Variants in IFT80 observed in about 807,000 individuals in gnomAD.
The protein encoded by IFT80 is intraflagellar transport 80, also known as intraflagellar transport protein 80 homolog.
A neutral mutation model predicts 107.9 loss-of-function variants in IFT80; 79 were observed. The ratio of observed to expected loss-of-function variants is 0.73; its 90% CI spans 0.61 to 0.88. The LOEUF (loss-of-function observed/expected upper bound fraction) is 0.88. Among genes scored for constraint, IFT80 ranks in the 40% least tolerant of loss-of-function variants. The pLI, the probability that IFT80 is intolerant of heterozygous loss-of-function variation, is 0.00. For missense variants in IFT80, 797 were observed against 914.2 expected (o/e 0.87, Z 1.65); for synonymous variants, 299 against 300.9 (o/e 0.99, Z 0.07).
intron 1 of IFT80, among the ~76,000 whole-genome samples, chr3:160,391,290 G>T (rs1229937468): frequency 6.6e-6 from 1 of 152,134 alleles, no homozygotes; most frequent in African/African-American, 2.4e-5. Context: ...CAGATATACT[G>T]CCCAACAGTA....
At chr3:160,277,822 T>A in intron 16 of IFT80, 152 bp from the exon 17 acceptor site, 1 of 627,216 alleles carries the variant, frequency 1.6e-6, no homozygotes, top group East Asian at 2.8e-5. Flanking sequence ...AATGTGGGAA[T>A]TTCATTGTGG....
intron 19 of IFT80, among the ~76,000 whole-genome samples, chr3:160,264,903 C>T (rs1460640220): frequency 6.6e-6 from 1 of 152,104 alleles, no homozygotes; most frequent in East Asian, 1.9e-4. Flanking sequence ...CATCTCCTAC[C>T]CAACCTCTAC....
At chr3:160,275,328 T>C (rs1404779037) in intron 18 of IFT80, among the ~76,000 whole-genome samples, 1 of 152,168 alleles carries the variant, frequency 6.6e-6, no homozygotes, top group Admixed American at 6.5e-5. Context: ...AAAGGAGGAA[T>C]GCTGCAAAAT....
At chr3:160,319,019 C>T (rs533867927) in intron 9 of IFT80, among the ~76,000 whole-genome samples, 2 of 151,966 alleles carry the variant, frequency 1.3e-5, no homozygotes, top group Admixed American at 6.6e-5. Context: ...AGCTTATTAC[C>T]ACTAGATCAT....
intron 9 of IFT80, among the ~76,000 whole-genome samples, chr3:160,309,483 C>A (rs796084031): frequency 2.6e-5 from 4 of 152,078 alleles, no homozygotes; most frequent in Non-Finnish European, 4.4e-5. Flanking sequence ...AAGGTCAGAT[C>A]GAGACCATCC....
At chr3:160,271,954 A>C (rs1051058504) in intron 18 of IFT80, among the ~76,000 whole-genome samples, 1 of 151,130 alleles carries the variant, frequency 6.6e-6, no homozygotes, top group Admixed American at 6.6e-5. Flanking sequence ...AAAAAAAAAA[A>C]CCTAAATCTA....
In IFT80 at chr3:160,381,010, A is replaced by G. The variant is rs189477303; in HGVS notation, c.259+493T>C. On this transcript the variant is annotated intron_variant, in intron 3 of 19. Transcript: ENST00000326448. ...AGCACTTTGGGAGGCCAAGGAAGGA[A>G]GATTGCTTGAGGCCAGGAGTACAAG... Among the ~76,000 whole-genome samples the G allele has an allele frequency of 2.7e-3, 407 of 151,960 alleles. 4 individuals carry two copies. Among genetic ancestry groups the G allele is most frequent in the African/African-American group, 8.7e-3 (360 of 41,496 alleles).
Position 160,285,831 on chromosome 3 carries a change from T to G in IFT80, c.1353A>C (p.Leu451Phe). Residue 451 changes from leucine (L) to phenylalanine (F), a missense_variant, in exon 13 of 20, where the codon TTA becomes TTC. Coordinates refer to ENST00000326448, the MANE Select transcript of IFT80 (RefSeq NM_020800.3). ...TATGAGAAAGAAACTTTCCATCACCTAACGGCTTTCCGGTTGATGCCTCAA... is the reference window on the plus strand; with the variant it reads ...TATGAGAAAGAAACTTTCCATCACCGAACGGCTTTCCGGTTGATGCCTCAA... ...FLFEASTGKP[L>F]GDGKFLSHKN... is the part of the protein sequence containing the mutation. 1 of 1,612,038 alleles carries G rather than the reference T, an allele frequency of 6.2e-7. No homozygotes were observed.
At chr3:160,333,954 AAAC>A (rs1415726028) in intron 8 of IFT80, among the ~76,000 whole-genome samples, 1 of 152,158 alleles carries the variant, frequency 6.6e-6, no homozygotes, top group African/African-American at 2.4e-5. Flanking sequence ...GCATCAACAC[AAAC>A]ACATAAGTAA....
At chr3:160,380,007 G>C (rs11929258) in intron 3 of IFT80, among the ~76,000 whole-genome samples, 5 of 150,478 alleles carry the variant, frequency 3.3e-5, no homozygotes, top group Non-Finnish European at 7.4e-5. Context: ...GGCTGGATAC[G>C]CTCAATCAGT....
intron 10 of IFT80, among the ~76,000 whole-genome samples, chr3:160,304,205 C>A (rs1306507899): frequency 6.6e-6 from 1 of 152,094 alleles, no homozygotes; most frequent in Non-Finnish European, 1.5e-5. Context: ...CAGCAATTAG[C>A]ACATAATAGG....
At chr3:160,302,573 A>C (rs1303580858) in intron 11 of IFT80, among the ~76,000 whole-genome samples, 2 of 152,084 alleles carry the variant, frequency 1.3e-5, no homozygotes, top group African/African-American at 4.8e-5. Context: ...GGCAGTAACT[A>C]AATTTTTTGG....
chr3:160,284,675 A>G (rs1245878437), intron 13 of IFT80, among the ~76,000 whole-genome samples: 1 of 152,220 alleles, frequency 6.6e-6, no homozygotes, highest in Non-Finnish European at 1.5e-5. Flanking sequence ...TAACGGCAAA[A>G]GATTGGAAAC....
chr3:160,303,982 TC>T lies in IFT80; in HGVS notation c.1083del (p.Asn362ThrfsTer17). 1 of 1,607,394 alleles carries T rather than the reference TC, an allele frequency of 6.2e-7. No individual in the cohort carries two copies. ...TCAAATATAATTGGTGTGTTCCAGT[TC>T]TTCGTGCTAAAAGACAAGTAAAATG... is the stretch of plus-strand genomic sequence containing the variant. The part of the protein sequence containing the change: ...TSLQCYVFST[K>X]NWNTPIIFDL... On this transcript the variant is annotated frameshift_variant, in exon 11 of 20. Transcript: ENST00000326448. LOFTEE classifies it high-confidence loss of function.
chr3:160,368,319 A>G (rs1327757384), intron 5 of IFT80, among the ~76,000 whole-genome samples: 1 of 149,330 alleles, frequency 6.7e-6, no homozygotes, highest in East Asian at 2.0e-4. Context: ...GCAAGTCCCA[A>G]TGGTTTATAC....
chr3:160,342,610 G>C (rs1385042827), intron 8 of IFT80: 1 of 152,146 alleles, frequency 6.6e-6, no homozygotes, highest in Non-Finnish European at 1.5e-5. Context: ...ATCCTCAAAA[G>C]GATAATCTTT....
rs900224290 is a variant in IFT80, at chr3:160,324,695, A to C, written c.778-4756T>G. The stretch of plus-strand genomic sequence containing the variant: ...AGCATACTGAATGGGCAAAAACTGG[A>C]AGCATTCCCTTTGAAAACGGGCACA... On this transcript the variant is annotated intron_variant, in intron 8 of 19. Transcript: ENST00000326448. Among the ~76,000 whole-genome samples, 22 of 152,280 alleles carry C rather than the reference A, an allele frequency of 1.4e-4. 1 individual carries two copies. Among genetic ancestry groups the C allele is most frequent in the African/African-American group, 5.3e-4 (22 of 41,558 alleles).
intron 19 of IFT80, among the ~76,000 whole-genome samples, chr3:160,261,756 T>C (rs1712854222): frequency 6.7e-6 from 1 of 148,352 alleles, no homozygotes; most frequent in African/African-American, 2.5e-5. Context: ...AAGCTGTCAT[T>C]GTGCCACTGC....
At chr3:160,394,012 C>G (rs893172757) in intron 1 of IFT80, 1 of 152,144 alleles carries the variant, frequency 6.6e-6, no homozygotes, top group Non-Finnish European at 1.5e-5. Context: ...ATAGCTCTGA[C>G]CAGACTCCTG....
Sources: gnomAD v4.1 joint callset for allele counts (sites outside exome capture counted in the v4.1 genomes callset) on GRCh38, gnomAD v4.1.1 for gene constraint, MANE v1.5 for transcripts, NCBI Gene and HGNC (gene_info 2026-07-23, HGNC 2026-07-21) for gene names.